RAB11FIP3: variants seen among roughly 807,000 people sequenced by gnomAD.
The protein encoded by RAB11FIP3 is RAB11 family interacting protein 3.
RAB11FIP3 carries 17 observed loss-of-function variants against 77.8 expected under a neutral mutation model. The observed-to-expected ratio is 0.22, with a 90% confidence interval of 0.15 to 0.33. The LOEUF (loss-of-function observed/expected upper bound fraction) is 0.33, where lower values mean the gene tolerates loss of function less well. RAB11FIP3 is among the 10% of genes least tolerant of loss of function. The pLI is 1.00. For synonymous variants in RAB11FIP3, 437 were observed against 448.2 expected, an observed-to-expected ratio of 0.98 and a Z score of 0.31; for missense variants, 1,005 against 1,011.2, an observed-to-expected ratio of 0.99 and a Z score of 0.08.
In RAB11FIP3 at chr16:426,814, C is replaced by A; in HGVS notation, c.714+94C>A. On this transcript the variant is annotated intron_variant, in intron 1 of 13. Transcript: ENST00000262305. The surrounding 1 kb of genome is among the most constrained non-coding windows in gnomAD (Gnocchi z 5.0). ...GACCGGTCGACGCTGCCCCTGGAGT[C>A]GGGAAAGGCACTGTCAAGACCTGAC... 9.6e-7 allele frequency: 1 copy of A among 1,043,820 alleles called. No homozygotes were observed. Among genetic ancestry groups the A allele is most frequent in the Non-Finnish European group, 1.3e-6 (1 of 746,916 alleles). 64.7% of individuals were successfully genotyped at this position (1,043,820 alleles called of 1,614,324 possible).
chr16:485,894 A>AT (rs1381170705), intron 4 of RAB11FIP3, among the ~76,000 whole-genome samples: 2 of 151,822 alleles, frequency 1.3e-5, no homozygotes, highest in African/African-American at 4.8e-5. Context: ...TCGCTACATA[A>AT]TTTTTTTATT....
intron 1 of RAB11FIP3, among the ~76,000 whole-genome samples, chr16:445,096 A>C (rs1378495950): frequency 7.5e-6 from 1 of 132,976 alleles, no homozygotes; most frequent in Non-Finnish European, 1.6e-5. Flanking sequence ...CCTGGGTGAC[A>C]GAGCGAGACT....
intron 1 of RAB11FIP3, among the ~76,000 whole-genome samples, chr16:454,328 C>T (rs2055459864): frequency 1.3e-5 from 2 of 152,148 alleles, no homozygotes; most frequent in Non-Finnish European, 1.5e-5. Context: ...CCTGTAGTTC[C>T]AGCTACTCTG....
intron 3 of RAB11FIP3, chr16:477,802 A>G (rs927906133): frequency 4.5e-6 from 2 of 447,596 alleles, no homozygotes; most frequent in Non-Finnish European, 5.9e-6. Context: ...GAGTAGGTAC[A>G]CTTCACAGCA....
intron 6 of RAB11FIP3, among the ~76,000 whole-genome samples, chr16:501,356 C>T (rs1314676459): frequency 6.8e-6 from 1 of 146,954 alleles, no homozygotes. Flanking sequence ...GGAGAGGGTC[C>T]CCCCATTTCA....
rs1412045507 is a variant in RAB11FIP3, at chr16:471,242, C to T, written c.809-53C>T. 3 of 1,512,440 alleles carry T rather than the reference C, an allele frequency of 2.0e-6. No individual in the cohort carries two copies. Among genetic ancestry groups the T allele is most frequent in the Non-Finnish European group, 2.7e-6 (3 of 1,092,028 alleles). The allele number at this position is 1,512,440 out of a possible 1,614,324, so 93.7% of individuals were successfully genotyped here. A position where few individuals can be genotyped will look rare whatever the true frequency, so the allele number is the denominator to read the frequency against. On this transcript the variant is annotated intron_variant, in intron 2 of 13. Transcript: ENST00000262305. This position sits in a 1 kb window ranked among gnomAD's most constrained non-coding sequence, Gnocchi z 4.4. ...GGAGTCCCGAGGCCGCCAGGGGTCCCGTCACTGGGTGGCTATGGGTGGCCT... is the reference window on the plus strand; with the variant it reads ...GGAGTCCCGAGGCCGCCAGGGGTCCTGTCACTGGGTGGCTATGGGTGGCCT...
At chr16:450,815 G>A (rs1055551786) in intron 1 of RAB11FIP3, among the ~76,000 whole-genome samples, 3 of 151,002 alleles carry the variant, frequency 2.0e-5, no homozygotes, top group African/African-American at 7.3e-5. Flanking sequence ...CCCAGGGAGA[G>A]AGCCTCCCGC....
At position 522,505 on chromosome 16, in the gene RAB11FIP3, A is replaced by AG. The variant is rs1223302850; in HGVS notation, c.*1672dup. Reference sequence around the variant, plus strand: ...CACGCAGAGGCCGGCTTCTTCCTCCAGGGGGGCCACAGGGTGGGGTGGGAG... The same window carrying AG: ...CACGCAGAGGCCGGCTTCTTCCTCCAGGGGGGGCCACAGGGTGGGGTGGGAG... On this transcript the variant is annotated 3_prime_UTR_variant, in exon 14 of 14. Coordinates refer to ENST00000262305, the MANE Select transcript of RAB11FIP3 (RefSeq NM_014700.4). 1.3e-5 allele frequency: 2 copies of AG among 151,612 alleles called. No homozygotes were observed. Among genetic ancestry groups the AG allele is most frequent in the African/African-American group, 2.4e-5 (1 of 41,274 alleles). 9.4% of individuals were successfully genotyped at this position (151,612 alleles called of 1,614,324 possible).
At chr16:447,040 C>T (rs114793034) in intron 1 of RAB11FIP3, among the ~76,000 whole-genome samples, 2 of 151,800 alleles carry the variant, frequency 1.3e-5, no homozygotes, top group African/African-American at 2.4e-5. Context: ...TGTGATGGCT[C>T]ACAGCTATAG....
At chr16:482,476 G>C in intron 3 of RAB11FIP3, 49 bp from the exon 4 acceptor site, 2 of 1,574,322 alleles carry the variant, frequency 1.3e-6, no homozygotes, top group Non-Finnish European at 1.7e-6. Flanking sequence ...GGCGTTCGCA[G>C]TTCCCCTCCC....
intron 1 of RAB11FIP3, among the ~76,000 whole-genome samples, chr16:445,058 G>C (rs2055288799): frequency 7.3e-6 from 1 of 136,734 alleles, no homozygotes; most frequent in African/African-American, 2.8e-5. Context: ...AGCTTGCAGT[G>C]AGCCGAGATC....
Position 520,718 on chromosome 16 carries a change from C to T in RAB11FIP3, c.2158-8C>T. ...CGCCTCAGCTCTGACCACCTGCTTG[C>T]CCTACAGCTCATGGAGGCGATTCAG... is the stretch of plus-strand genomic sequence containing the variant. On this transcript the variant is annotated splice_region_variant and splice_polypyrimidine_tract_variant and intron_variant, in intron 13 of 13. Coordinates refer to ENST00000262305, the MANE Select transcript of RAB11FIP3 (RefSeq NM_014700.4). The T allele has an allele frequency of 3.7e-6, 6 of 1,613,374 alleles. No individual in the cohort carries two copies. Among genetic ancestry groups the T allele is most frequent in the Non-Finnish European group, 5.1e-6 (6 of 1,179,810 alleles).
Position 425,940 on chromosome 16 carries a change from C to A in RAB11FIP3, c.-67C>A. On this transcript the variant is annotated 5_prime_UTR_variant, in exon 1 of 14. Coordinates refer to ENST00000262305, the MANE Select transcript of RAB11FIP3 (RefSeq NM_014700.4). ...GCGCCGCCGAGGGGATGCCCGCGCC[C>A]GCCGCCGCGCCCTGAGCGCCTTTGT... The A allele has an allele frequency of 1.4e-6, 1 of 694,528 alleles. No homozygotes were observed. Among genetic ancestry groups the A allele is most frequent in the Non-Finnish European group, 1.8e-6 (1 of 566,492 alleles). 43.0% of individuals were successfully genotyped at this position (694,528 alleles called of 1,614,324 possible).
At chr16:479,809 T>C (rs1334237770) in intron 3 of RAB11FIP3, among the ~76,000 whole-genome samples, 1 of 151,908 alleles carries the variant, frequency 6.6e-6, no homozygotes, top group African/African-American at 2.4e-5. Context: ...TCTCAGCTAC[T>C]CAGGAGGCTG....
intron 9 of RAB11FIP3, among the ~76,000 whole-genome samples, chr16:516,834 CAA>C (rs957291228): frequency 1.3e-5 from 2 of 152,076 alleles, no homozygotes; most frequent in African/African-American, 4.8e-5. Flanking sequence ...GCTTGGGCGA[CAA>C]GAGCAAAACT....
intron 5 of RAB11FIP3, among the ~76,000 whole-genome samples, chr16:489,825 C>G (rs2030012144): frequency 6.6e-6 from 1 of 152,174 alleles, no homozygotes; most frequent in Admixed American, 6.5e-5. Flanking sequence ...CTTTTGTTTC[C>G]CATGTGCCCT....
At chr16:498,897 C>T (rs1596282298) in intron 6 of RAB11FIP3, among the ~76,000 whole-genome samples, 1 of 152,246 alleles carries the variant, frequency 6.6e-6, no homozygotes, top group East Asian at 1.9e-4. Context: ...TAACTGTCTT[C>T]TTGCTCACCC....
intron 1 of RAB11FIP3, among the ~76,000 whole-genome samples, chr16:429,993 AC>A (rs780185381): frequency 1.3e-5 from 2 of 152,152 alleles, no homozygotes; most frequent in Non-Finnish European, 2.9e-5. Flanking sequence ...GGATCTAATT[AC>A]GTCATCTGGT....
At chr16:486,622 G>A (rs1206663708) in intron 4 of RAB11FIP3, among the ~76,000 whole-genome samples, 1 of 152,256 alleles carries the variant, frequency 6.6e-6, no homozygotes, top group Non-Finnish European at 1.5e-5. Context: ...GGGCGTCTGG[G>A]TGCAGACCGT....
Sources: gnomAD v4.1 joint callset for allele counts (sites outside exome capture counted in the v4.1 genomes callset) on GRCh38, gnomAD v4.1.1 for gene constraint, Gnocchi (gnomAD v3.1) non-coding constraint, MANE v1.5 for transcripts, NCBI Gene and HGNC (gene_info 2026-07-23, HGNC 2026-07-21) for gene names.